ARFGEF3: variants seen among roughly 807,000 people sequenced by gnomAD.
The protein encoded by ARFGEF3 is ARFGEF family member 3.
In ARFGEF3, 96 loss-of-function variants were observed where a neutral mutation model predicts 221.7. The observed-to-expected ratio is 0.43, with a 90% CI of 0.37 to 0.51. The LOEUF is 0.51. Among genes scored for constraint, ARFGEF3 ranks in the 20% least tolerant of loss-of-function variants. The pLI, the probability that ARFGEF3 is intolerant of heterozygous loss-of-function variation, is 0.00. For missense variants in ARFGEF3, 2,410 were observed against 2,789.9 expected, an observed-to-expected ratio of 0.86 and a Z score of 3.07; for synonymous variants, 1,145 against 1,126.8, an observed-to-expected ratio of 1.02 and a Z score of -0.32.
At chr6:138,202,532 G>C (rs116990550) in intron 2 of ARFGEF3, among the ~76,000 whole-genome samples, 2,094 of 152,228 alleles carry the variant, frequency 0.014, 32 homozygotes, top group Middle Eastern at 0.058. Context: ...GGTCTGAGGG[G>C]ATGAGAGGCC....
chr6:138,239,652 G>GAAAAA (rs1210032134), intron 6 of ARFGEF3, among the ~76,000 whole-genome samples: 1 of 78,812 alleles, frequency 1.3e-5, no homozygotes, highest in African/African-American at 5.0e-5. Flanking sequence ...TCTGTCTCAG[G>GAAAAA]AAAAAAAAAA....
rs901550733 is a variant in ARFGEF3, at chr6:138,316,141, A to AT, written c.4346-1101dup. On this transcript the variant is annotated intron_variant, in intron 26 of 33. Coordinates refer to ENST00000251691, the MANE Select transcript of ARFGEF3 (RefSeq NM_020340.5). ...TCTTTCCCATTTGTGCAAATCTTTG[A>AT]TTTTTTTTTCTAGGAACCCCATCTT... Among the ~76,000 whole-genome samples the AT allele has an allele frequency of 3.6e-4, 54 of 151,466 alleles. 1 individual carries two copies. The highest frequency in any genetic ancestry group is 1.3e-3 in the African/African-American group (52 of 41,290).
chr6:138,294,261 T>C, intron 20 of ARFGEF3, 135 bp downstream of exon 20: 1 of 933,854 alleles, frequency 1.1e-6, no homozygotes, highest in Non-Finnish European at 1.6e-6. Context: ...AGCCCAAGTA[T>C]AGATTTGTCT....
intron 31 of ARFGEF3, 49 bp downstream of exon 31, chr6:138,324,203 A>C (rs1200139842): frequency 1.3e-6 from 2 of 1,581,766 alleles, no homozygotes; most frequent in East Asian, 2.3e-5. Context: ...CTCGAAGTGC[A>C]TGTTGGGAGA....
chr6:138,224,577 A>G (rs1265648146), intron 4 of ARFGEF3, among the ~76,000 whole-genome samples: 2 of 152,224 alleles, frequency 1.3e-5, no homozygotes, highest in African/African-American at 4.8e-5. Context: ...TTCCACTGAA[A>G]CTGTGAGGCT....
chr6:138,285,125 G>A (rs1265063703), intron 14 of ARFGEF3, among the ~76,000 whole-genome samples: 3 of 152,130 alleles, frequency 2.0e-5, no homozygotes, highest in East Asian at 1.9e-4. Flanking sequence ...TAGCTGTTTC[G>A]ATGATCAAGT....
Position 138,317,183 on chromosome 6 carries a change from T to A in ARFGEF3, c.4346-68T>A, listed in dbSNP as rs183450638. 68 of 1,559,852 alleles carry A rather than the reference T, an allele frequency of 4.4e-5. 1 individual carries two copies. In the South Asian group the frequency reaches 7.7e-4, roughly 18 times the overall value. On this transcript the variant is annotated intron_variant, in intron 26 of 33. Transcript: ENST00000251691. ...TTGGCAGTTTACATACAATGTTTAA[T>A]TGGATCTTGAGATGATTATTCATTG...
intron 2 of ARFGEF3, among the ~76,000 whole-genome samples, chr6:138,171,269 CTG>C (rs1776825356): frequency 1.3e-5 from 2 of 151,716 alleles, no homozygotes; most frequent in Admixed American, 1.3e-4. Flanking sequence ...CTCCCCCTGT[CTG>C]TAGAGGGAAT....
At chr6:138,172,835 A>G (rs1259110771) in intron 2 of ARFGEF3, among the ~76,000 whole-genome samples, 1 of 152,226 alleles carries the variant, frequency 6.6e-6, no homozygotes, top group East Asian at 1.9e-4. Flanking sequence ...ATTTTTAATA[A>G]AAGTGTATTT....
At chr6:138,206,255 T>A (rs1777622911) in intron 2 of ARFGEF3, among the ~76,000 whole-genome samples, 1 of 152,196 alleles carries the variant, frequency 6.6e-6, no homozygotes. Flanking sequence ...CTAACAGACA[T>A]TTTTGTCTTT....
At chr6:138,286,552 C>T (rs1468902716) in intron 15 of ARFGEF3, 149 bp from the exon 16 acceptor site, 2 of 637,418 alleles carry the variant, frequency 3.1e-6, no homozygotes, top group East Asian at 5.4e-5. Flanking sequence ...CAAAGTGAAA[C>T]ATAATCCCAT....
chr6:138,335,311 G>A (rs1012513845), intron 33 of ARFGEF3, 123 bp downstream of exon 33: 6 of 968,080 alleles, frequency 6.2e-6, no homozygotes, highest in African/African-American at 1.6e-5. Flanking sequence ...GGTATGAACC[G>A]ATTTCCCTCC....
chr6:138,180,846 G>A (rs1276149977), intron 2 of ARFGEF3, among the ~76,000 whole-genome samples: 2 of 152,202 alleles, frequency 1.3e-5, no homozygotes, highest in Admixed American at 1.3e-4. Context: ...TGTTTGCAAG[G>A]AGAGAGTGGC....
At chr6:138,333,047 CATAATTTT>C (rs1171843900) in intron 32 of ARFGEF3, among the ~76,000 whole-genome samples, 1 of 152,150 alleles carries the variant, frequency 6.6e-6, no homozygotes, top group African/African-American at 2.4e-5. Context: ...TAACGGTTGT[CATAATTTT>C]ATAATTATCC....
chr6:138,243,517 A>G (rs1390348316), intron 7 of ARFGEF3, among the ~76,000 whole-genome samples: 1 of 152,224 alleles, frequency 6.6e-6, no homozygotes, highest in African/African-American at 2.4e-5. Context: ...AAAATATAGA[A>G]GTCCACATAT....
At chr6:138,281,342 A>G (rs1779192803) in intron 14 of ARFGEF3, among the ~76,000 whole-genome samples, 1 of 152,214 alleles carries the variant, frequency 6.6e-6, no homozygotes, top group African/African-American at 2.4e-5. Context: ...ACTTTAGACT[A>G]AAGGGGTACA....
At chr6:138,177,430 T>C (rs1776976684) in intron 2 of ARFGEF3, among the ~76,000 whole-genome samples, 1 of 152,138 alleles carries the variant, frequency 6.6e-6, no homozygotes, top group Admixed American at 6.6e-5. Context: ...ACTTTTACTT[T>C]AGACAGTCTA....
At chr6:138,203,093 C>T (rs920902958) in intron 2 of ARFGEF3, among the ~76,000 whole-genome samples, 1 of 152,102 alleles carries the variant, frequency 6.6e-6, no homozygotes, top group African/African-American at 2.4e-5. Context: ...GTTTGGGGAC[C>T]TGTGGATTCC....
At chr6:138,286,643 A>G (rs895203027) in intron 15 of ARFGEF3, 58 bp from the exon 16 acceptor site, 7 of 1,399,092 alleles carry the variant, frequency 5.0e-6, no homozygotes, top group African/African-American at 4.2e-5. Flanking sequence ...ATGTGATGTC[A>G]TTCATTGCCA....
Sources: gnomAD v4.1 joint callset for allele counts (sites outside exome capture counted in the v4.1 genomes callset) on GRCh38, gnomAD v4.1.1 for gene constraint, MANE v1.5 for transcripts, NCBI Gene and HGNC (gene_info 2026-07-23, HGNC 2026-07-21) for gene names.